The following ALK variants were observed in gnomAD, a reference collection of about 807,000 sequenced individuals.
The protein encoded by ALK is ALK tyrosine kinase receptor.
Under a neutral mutation model 163.1 loss-of-function variants are expected in ALK, and 74 were observed. That is an observed-to-expected ratio of 0.45 (90% CI 0.38 to 0.55). The LOEUF (loss-of-function observed/expected upper bound fraction) is 0.55. Ranked by LOEUF, ALK falls within the 20% of genes least tolerant of loss-of-function variation. ALK has a pLI of 0.00. For synonymous variants in ALK, 960 were observed against 843.2 expected (o/e 1.14, Z -2.40); for missense variants, 2,063 against 2,105.3 (o/e 0.98, Z 0.39).
At chr2:29,724,387 T>C (rs1679508281) in intron 1 of ALK, among the ~76,000 whole-genome samples, 1 of 152,188 alleles carries the variant, frequency 6.6e-6, no homozygotes, top group Non-Finnish European at 1.5e-5. Context: ...AAATAAATAG[T>C]GGTCTGGATG....
At position 29,239,680 on chromosome 2, in the gene ALK, A is replaced by C. The variant is rs1664471490; in HGVS notation, c.2355T>G (p.Ser785Arg). ...AGAAACCCCTGCTCTGGGCACTTACACTGGGGCAGGCGTCCTCTCCCTGCT... is the reference window on the plus strand; with the variant it reads ...AGAAACCCCTGCTCTGGGCACTTACCCTGGGGCAGGCGTCCTCTCCCTGCT... Reference protein sequence around the residue: ...VGQQGEDACPSTNQLIQKVCI... With the variant: ...VGQQGEDACPRTNQLIQKVCI... The change falls in exon 13 of 29, where the codon AGT becomes AGG. Residue 785 changes from serine (S) to arginine (R), a missense_variant and splice_region_variant. Ser to Arg is a moderately radical substitution (Grantham distance 110). This residue lies in a region of ALK where 575 missense variants were observed against 626.6 expected (regional missense o/e 0.92). Coordinates refer to ENST00000389048, the MANE Select transcript of ALK (RefSeq NM_004304.5). The C allele has an allele frequency of 6.2e-7, 1 of 1,613,768 alleles. No homozygotes were observed. The highest frequency in any genetic ancestry group is 1.7e-4 in the Middle Eastern group (1 of 6,048).
intron 2 of ALK, among the ~76,000 whole-genome samples, chr2:29,703,046 A>G (rs568183344): frequency 6.6e-6 from 1 of 152,236 alleles, no homozygotes; most frequent in Non-Finnish European, 1.5e-5. Context: ...GGCCATCAGG[A>G]TGTATCTGTT....
At chr2:29,817,659 C>T (rs751495378) in intron 1 of ALK, among the ~76,000 whole-genome samples, 7 of 152,162 alleles carry the variant, frequency 4.6e-5, no homozygotes, top group Admixed American at 1.3e-4. Flanking sequence ...CCCAAGGACC[C>T]GCCCTCCGTC....
intron 3 of ALK, among the ~76,000 whole-genome samples, chr2:29,651,320 A>C (rs1677029283): frequency 6.6e-6 from 1 of 152,172 alleles, no homozygotes; most frequent in Middle Eastern, 3.2e-3. Flanking sequence ...AGAGCTAGTT[A>C]AGTAAGAGAA....
At chr2:29,362,841 C>A (rs1225842548) in intron 5 of ALK, among the ~76,000 whole-genome samples, 3 of 150,658 alleles carry the variant, frequency 2.0e-5, no homozygotes. Flanking sequence ...CACTCCCAAA[C>A]AAACAAATGA....
intron 26 of ALK, among the ~76,000 whole-genome samples, chr2:29,201,295 G>A (rs1669172832): frequency 6.6e-6 from 1 of 152,038 alleles, no homozygotes; most frequent in African/African-American, 2.4e-5. Context: ...TATTTTAATA[G>A]GCAACTCAAA....
At chr2:29,839,211 T>C (rs1665638782) in intron 1 of ALK, among the ~76,000 whole-genome samples, 1 of 152,174 alleles carries the variant, frequency 6.6e-6, no homozygotes, top group African/African-American at 2.4e-5. Flanking sequence ...TTTGAGGAGA[T>C]GGCTGGGTCA....
At chr2:29,714,786 A>C (rs764146001) in intron 2 of ALK, among the ~76,000 whole-genome samples, 8 of 152,198 alleles carry the variant, frequency 5.3e-5, no homozygotes, top group Non-Finnish European at 1.2e-4. Flanking sequence ...CATTTCTTAA[A>C]ATGTCTTTCA....
At chr2:29,249,325 C>T (rs1370071355) in intron 12 of ALK, among the ~76,000 whole-genome samples, 5 of 152,128 alleles carry the variant, frequency 3.3e-5, no homozygotes, top group South Asian at 2.1e-4. Context: ...CGCCTCCCAG[C>T]GCCTCTGCTT....
intron 4 of ALK, among the ~76,000 whole-genome samples, chr2:29,516,087 T>G (rs1159308468): frequency 2.0e-5 from 3 of 152,214 alleles, no homozygotes; most frequent in Non-Finnish European, 4.4e-5. Context: ...AGTGAGCTCC[T>G]GCAGGGCAGC....
At chr2:29,313,495 G>A (rs553136188) in intron 8 of ALK, among the ~76,000 whole-genome samples, 3 of 152,142 alleles carry the variant, frequency 2.0e-5, no homozygotes, top group Admixed American at 1.3e-4. Context: ...CTATCTGCCT[G>A]CAGAAATGAG....
chr2:29,915,126 T>C (rs1667800477), intron 1 of ALK, among the ~76,000 whole-genome samples: 1 of 152,338 alleles, frequency 6.6e-6, no homozygotes, highest in African/African-American at 2.4e-5. Context: ...TTCCATGTTG[T>C]GAGGTTGCCA....
chr2:29,887,945 A>G lies in ALK; in HGVS notation c.667+32048T>C, dbSNP rs868727148. 4.6e-5 allele frequency among the ~76,000 whole-genome samples: 7 copies of G among 152,320 alleles called. No individual in the cohort carries two copies. The South Asian group carries it at 1.4e-3, about 32-fold the overall frequency. On this transcript the variant is annotated intron_variant, in intron 1 of 28. Transcript: ENST00000389048. ...TTTCACAAGAGAACCTAAAAGGGCT[A>G]CCAGGAAAACCTTTGGCAGAGAATG...
chr2:29,844,180 A>G (rs1022593494), intron 1 of ALK, among the ~76,000 whole-genome samples: 1 of 152,194 alleles, frequency 6.6e-6, no homozygotes, highest in Non-Finnish European at 1.5e-5. Context: ...TGGACAACAA[A>G]GGAAAAAAGA....
At chr2:29,512,549 T>A (rs528302933) in intron 4 of ALK, among the ~76,000 whole-genome samples, 28 of 147,184 alleles carry the variant, frequency 1.9e-4, no homozygotes, top group African/African-American at 7.0e-4. Context: ...TCATACTGAA[T>A]GGGCAAAAAC....
At chr2:29,344,689 A>G (rs1301198884) in intron 5 of ALK, among the ~76,000 whole-genome samples, 2 of 152,252 alleles carry the variant, frequency 1.3e-5, no homozygotes, top group African/African-American at 2.4e-5. Context: ...AATTGTGAAA[A>G]ATGATAAAAT....
At chr2:29,595,359 C>T (rs1675181773) in intron 3 of ALK, among the ~76,000 whole-genome samples, 1 of 142,900 alleles carries the variant, frequency 7.0e-6, no homozygotes, top group South Asian at 2.2e-4. Context: ...GTCTCGCTGT[C>T]ACCCAGGCTG....
At chr2:29,441,057 T>G (rs1356014256) in intron 4 of ALK, among the ~76,000 whole-genome samples, 4 of 152,248 alleles carry the variant, frequency 2.6e-5, no homozygotes, top group Admixed American at 6.5e-5. Context: ...AGTTTGTCCC[T>G]GCAGGCCGGG....
Position 29,333,556 on chromosome 2 carries a change from C to T in ALK, c.1283-5075G>A, listed in dbSNP as rs1267114387. 5.3e-5 allele frequency among the ~76,000 whole-genome samples: 8 copies of T among 152,066 alleles called. No individual in the cohort carries two copies. The South Asian group carries it at 8.3e-4, about 16-fold the overall frequency. On this transcript the variant is annotated intron_variant, in intron 5 of 28. Coordinates refer to ENST00000389048, the MANE Select transcript of ALK (RefSeq NM_004304.5). ...AGGATGCAAAACTATTTATCATATG[C>T]GTGACAATTTTTCCCAGTATTTTAT...
Sources: allele counts gnomAD v4.1 joint callset (sites outside exome capture counted in the v4.1 genomes callset), GRCh38; gene constraint gnomAD v4.1.1; regional missense constraint gnomAD v4.1.1; transcripts MANE v1.5; gene names NCBI Gene and HGNC (gene_info 2026-07-23, HGNC 2026-07-21).